Variants in RUFY3 observed in about 807,000 individuals in gnomAD.
RUFY3 encodes the protein protein RUFY3.
A neutral mutation model predicts 84.0 loss-of-function variants in RUFY3; 34 were observed. The observed-to-expected ratio is 0.40, with a 90% CI of 0.31 to 0.54. The LOEUF (loss-of-function observed/expected upper bound fraction) is 0.54. Among genes scored for constraint, RUFY3 ranks in the 20% least tolerant of loss-of-function variants. RUFY3 has a pLI of 0.39. For missense variants in RUFY3, 507 were observed against 736.8 expected (o/e 0.69, Z 3.61); for synonymous variants, 242 against 252.9 (o/e 0.96, Z 0.41).
chr4:70,792,897 TTCTTC>T, intron 12 of RUFY3: 1 of 985,408 alleles, frequency 1.0e-6, no homozygotes, highest in Non-Finnish European at 1.2e-6. Flanking sequence ...TCCTACTGTA[TTCTTC>T]TCTTCATCAA....
chr4:70,796,138 GCAGTGAGC>G (rs1731472931), intron 14 of RUFY3, among the ~76,000 whole-genome samples: 1 of 152,126 alleles, frequency 6.6e-6, no homozygotes, highest in South Asian at 2.1e-4. Context: ...GGTAGAGGTT[GCAGTGAGC>G]CAAGATCACA....
In RUFY3 at chr4:70,808,501, C is replaced by A. The variant is rs969200698; in HGVS notation, c.*1842C>A. On this transcript the variant is annotated 3_prime_UTR_variant, in exon 18 of 18. Transcript: ENST00000381006. ...CCATGTTTTTTAATAAATTCTGTCT[C>A]TTGGAAAGAGTTAACAACAGCCTGG... Among the ~76,000 whole-genome samples the A allele has an allele frequency of 2.0e-5, 3 of 151,976 alleles. No individual in the cohort carries two copies. Among genetic ancestry groups the A allele is most frequent in the Non-Finnish European group, 1.5e-5 (1 of 67,930 alleles).
At chr4:70,793,980 A>C (rs913958993) in intron 13 of RUFY3, 76 bp downstream of exon 13, 61 of 1,528,600 alleles carry the variant, frequency 4.0e-5, no homozygotes, top group Middle Eastern at 2.2e-4. Context: ...AAGGGGTCTC[A>C]TGACTTCCAG....
chr4:70,770,710 A>T (rs1021399981), intron 5 of RUFY3, among the ~76,000 whole-genome samples: 1 of 152,128 alleles, frequency 6.6e-6, no homozygotes, highest in African/African-American at 2.4e-5. Flanking sequence ...TCATTTGTTC[A>T]TGAGTAGCAC....
rs779658894 is a variant in RUFY3, at chr4:70,773,521, T to C, written c.707T>C (p.Ile236Thr). The change falls in exon 6 of 18, where the codon ATA becomes ACA. Residue 236 changes from isoleucine (I) to threonine (T), a missense_variant. Coordinates refer to ENST00000381006, the MANE Select transcript of RUFY3 (RefSeq NM_001037442.4). Reference protein sequence around the residue: ...GEDLDSQVGVIDFSMYLKDGN... With the variant: ...GEDLDSQVGVTDFSMYLKDGN... The stretch of plus-strand genomic sequence containing the variant: ...AAATTCTCTCTGTAGGTTGGAGTTA[T>C]AGATTTTTCAATGTATCTCAAGGAC... 6.8e-6 allele frequency: 11 copies of C among 1,609,972 alleles called. No homozygotes were observed. The highest frequency in any genetic ancestry group is 2.2e-5 in the South Asian group (2 of 90,962).
At chr4:70,785,338 A>C (rs905984368) in intron 10 of RUFY3, among the ~76,000 whole-genome samples, 2 of 152,132 alleles carry the variant, frequency 1.3e-5, no homozygotes, top group Non-Finnish European at 2.9e-5. Flanking sequence ...ATTAGTCTTA[A>C]GATTTTTTTA....
intron 1 of RUFY3, among the ~76,000 whole-genome samples, chr4:70,757,923 T>A (rs1017874551): frequency 2.6e-5 from 4 of 152,258 alleles, no homozygotes; most frequent in African/African-American, 9.6e-5. Context: ...GTGAACATTT[T>A]AAAATTTTAA....
chr4:70,724,617 G>GT, intron 1 of RUFY3, among the ~76,000 whole-genome samples: 1 of 152,300 alleles, frequency 6.6e-6, no homozygotes, highest in Middle Eastern at 3.4e-3. Context: ...TAAATACAGA[G>GT]TTTCCAAGAC....
At chr4:70,772,366 C>CATTAAA (rs1727111627) in intron 5 of RUFY3, among the ~76,000 whole-genome samples, 1 of 152,064 alleles carries the variant, frequency 6.6e-6, no homozygotes, top group Admixed American at 6.6e-5. Flanking sequence ...CATTAAAGCA[C>CATTAAA]GGTAGTTAAG....
chr4:70,705,268 G>C, exon 1 of RUFY3: 1 of 1,435,630 alleles, frequency 7.0e-7, no homozygotes, highest in South Asian at 1.4e-5. Flanking sequence ...AGCGGCGGCG[G>C]CGGCAGCAGC....
At chr4:70,800,468 A>G (rs893163395) in intron 15 of RUFY3, among the ~76,000 whole-genome samples, 1 of 152,246 alleles carries the variant, frequency 6.6e-6, no homozygotes, top group African/African-American at 2.4e-5. Flanking sequence ...ATTATCACTT[A>G]AGAGGTTATT....
At chr4:70,713,088 A>G (rs947674772) in intron 1 of RUFY3, among the ~76,000 whole-genome samples, 3 of 152,132 alleles carry the variant, frequency 2.0e-5, no homozygotes, top group Non-Finnish European at 4.4e-5. Flanking sequence ...CGATGGGGCA[A>G]TCTTGCCTCA....
At chr4:70,793,388 AAAATT>A in intron 12 of RUFY3, 5 of 1,046,908 alleles carry the variant, frequency 4.8e-6, no homozygotes, top group Non-Finnish European at 5.8e-6. Flanking sequence ...GTAAAACAGA[AAAATT>A]AAGTACCAAA....
At chr4:70,778,532 A>T in intron 8 of RUFY3, 94 bp downstream of exon 8, 1 of 647,008 alleles carries the variant, frequency 1.5e-6, no homozygotes, top group Non-Finnish European at 2.8e-6. Context: ...AAAGAACTTG[A>T]CTTTTCAAAT....
At chr4:70,732,874 G>A (rs979158273) in intron 1 of RUFY3, among the ~76,000 whole-genome samples, 6 of 151,892 alleles carry the variant, frequency 4.0e-5, no homozygotes, top group East Asian at 1.9e-4. Flanking sequence ...AAACCTGCAC[G>A]TTTTGCACAT....
At chr4:70,731,485 C>T (rs569796610) in intron 1 of RUFY3, among the ~76,000 whole-genome samples, 1 of 152,332 alleles carries the variant, frequency 6.6e-6, no homozygotes, top group East Asian at 1.9e-4. Context: ...ACTGCTGAAA[C>T]TGACCTGGCT....
At chr4:70,763,307 G>A (rs1447326433) in intron 2 of RUFY3, among the ~76,000 whole-genome samples, 1 of 151,944 alleles carries the variant, frequency 6.6e-6, no homozygotes, top group Non-Finnish European at 1.5e-5. Flanking sequence ...TTGTTAAAAT[G>A]TTTTATTATA....
At chr4:70,729,733 T>G (rs935550216) in intron 1 of RUFY3, among the ~76,000 whole-genome samples, 1 of 152,166 alleles carries the variant, frequency 6.6e-6, no homozygotes, top group Admixed American at 6.5e-5. Context: ...TACATTGCCA[T>G]TTTATTTTAT....
upstream of RUFY3, chr4:70,703,899 G>A (rs1293235674): frequency 6.6e-6 from 1 of 152,222 alleles, no homozygotes; most frequent in Non-Finnish European, 1.5e-5. Flanking sequence ...AGTCAACATG[G>A]CTTCTATGCC....
Sources: allele counts gnomAD v4.1 joint callset (sites outside exome capture counted in the v4.1 genomes callset), GRCh38; gene constraint gnomAD v4.1.1; transcripts MANE v1.5; gene names NCBI Gene and HGNC (gene_info 2026-07-23, HGNC 2026-07-21).